Variants in WDTC1 observed in about 807,000 individuals in gnomAD.
The protein encoded by WDTC1 is WD and tetratricopeptide repeats protein 1.
WDTC1 carries 12 observed loss-of-function variants against 76.0 expected under a neutral mutation model. The observed-to-expected ratio is 0.16, with a 90% confidence interval of 0.10 to 0.26. The LOEUF (loss-of-function observed/expected upper bound fraction) is 0.26. Ranked by LOEUF, WDTC1 falls within the 10% of genes least tolerant of loss-of-function variation. The pLI is 1.00. For missense variants in WDTC1, 511 were observed against 908.8 expected, an observed-to-expected ratio of 0.56 and a Z score of 5.63; for synonymous variants, 326 against 350.8, an observed-to-expected ratio of 0.93 and a Z score of 0.79.
At chr1:27,282,327 A>C (rs2013211729) in intron 4 of WDTC1, 42 bp downstream of exon 4, 2 of 1,604,456 alleles carry the variant, frequency 1.2e-6, no homozygotes, top group African/African-American at 2.7e-5. Context: ...TGGGGAAGGA[A>C]GTAAGGAGGG....
At chr1:27,248,116 A>AGT (rs2011913121) in intron 1 of WDTC1, among the ~76,000 whole-genome samples, 1 of 152,208 alleles carries the variant, frequency 6.6e-6, no homozygotes, top group Non-Finnish European at 1.5e-5. Context: ...CATACTGCAC[A>AGT]GTGTGTGTGT....
intron 3 of WDTC1, among the ~76,000 whole-genome samples, chr1:27,266,073 G>A (rs2147938573): frequency 6.6e-6 from 1 of 152,260 alleles, no homozygotes; most frequent in East Asian, 1.9e-4. Context: ...AACTGGAAAT[G>A]TTAAGAACCA....
chr1:27,257,471 C>T (rs558422771), intron 1 of WDTC1, among the ~76,000 whole-genome samples: 4 of 152,228 alleles, frequency 2.6e-5, no homozygotes, highest in African/African-American at 9.6e-5. Context: ...ATCATCCTCA[C>T]CTCATATTCT....
Position 27,294,087 on chromosome 1 carries a change from C to G in WDTC1, c.728C>G (p.Pro243Arg). 1 of 1,614,122 alleles carries G rather than the reference C, an allele frequency of 6.2e-7. No homozygotes were observed. Among genetic ancestry groups the G allele is most frequent in the Non-Finnish European group, 8.5e-7 (1 of 1,180,010 alleles). The change falls in exon 8 of 16, where the codon CCG becomes CGG. Residue 243 changes from proline (P) to arginine (R), a missense_variant. Pro to Arg is a moderately radical substitution (Grantham distance 103, BLOSUM62 -2). Transcript: ENST00000319394. ...TTCTGTGACCGGCAGAAACCCCTTC[C>G]GGACGGTGCAGCCCAGTATTACGTA... ...HTFCDRQKPL[P>R]DGAAQYYVAG...
chr1:27,295,479 G>A (rs1348812202), intron 9 of WDTC1, among the ~76,000 whole-genome samples: 3 of 151,182 alleles, frequency 2.0e-5, no homozygotes, highest in African/African-American at 7.3e-5. Context: ...TTGAGTTGGA[G>A]TTTCGCTCTT....
At chr1:27,295,144 A>T (rs1289348996) in intron 9 of WDTC1, among the ~76,000 whole-genome samples, 1 of 152,198 alleles carries the variant, frequency 6.6e-6, no homozygotes, top group Non-Finnish European at 1.5e-5. Context: ...AGCCTTGCAT[A>T]CATTTATTTA....
In WDTC1 at chr1:27,301,175, C is replaced by A. The variant is rs764463613; in HGVS notation, c.1233-51C>A. 35 of 1,574,048 alleles carry A rather than the reference C, an allele frequency of 2.2e-5. No individual in the cohort carries two copies. The highest frequency in any genetic ancestry group is 2.9e-5 in the Non-Finnish European group (33 of 1,150,790). On this transcript the variant is annotated intron_variant, in intron 12 of 15. Coordinates refer to ENST00000319394, the MANE Select transcript of WDTC1 (RefSeq NM_001276252.2). This position sits in a 1 kb window ranked among gnomAD's most constrained non-coding sequence, Gnocchi z 5.8. ...AGCAGAGGAGACTGAATGGGGACCC[C>A]TTGCTTGCCACGTGGCTCCACCTCC...
intron 8 of WDTC1, 48 bp downstream of exon 8, chr1:27,294,164 C>T (rs1553132597): frequency 6.3e-7 from 1 of 1,587,722 alleles, no homozygotes; most frequent in Non-Finnish European, 8.6e-7. Context: ...TAGATGCTGA[C>T]TCTTTTGGGG....
At chr1:27,282,345 G>A in intron 4 of WDTC1, 60 bp downstream of exon 4, 2 of 1,537,228 alleles carry the variant, frequency 1.3e-6, no homozygotes, top group Non-Finnish European at 1.8e-6. Context: ...GGGTGGAACA[G>A]CAAGGCTCCT....
Position 27,260,144 on chromosome 1 carries a change from G to A in WDTC1, c.-99-812G>A, listed in dbSNP as rs193272549. On this transcript the variant is annotated intron_variant, in intron 1 of 15. Transcript: ENST00000319394. ...TTTCGAGATGGAGTCTCGCTCTGTC[G>A]CCCAGGCTGGAGTGCAGTGGCGCAA... Among the ~76,000 whole-genome samples the A allele has an allele frequency of 2.1e-3, 324 of 151,856 alleles. 2 individuals are homozygous for A. The highest frequency in any genetic ancestry group is 7.4e-3 in the African/African-American group (305 of 41,370).
rs771318468 is a variant in WDTC1 at position 27,301,395 on chromosome 1, C to T, written c.1402C>T (p.His468Tyr). The stretch of plus-strand genomic sequence containing the variant: ...CAAAGGGAAATTTCCGGAGCAGGCC[C>T]ACAGCAGCGCTTGTGATGCATTGGG... The part of the protein sequence containing the change: ...DFKGKFPEQA[H>Y]SSACDALGRD... Residue 468 changes from histidine (H) to tyrosine (Y), a missense_variant, in exon 13 of 16, where the codon CAC (histidine) becomes TAC (tyrosine). His to Tyr is a moderately conservative substitution (Grantham distance 83). Coordinates refer to ENST00000319394, the MANE Select transcript of WDTC1 (RefSeq NM_001276252.2). The surrounding 1 kb of genome is among the most constrained non-coding windows in gnomAD (Gnocchi z 5.8). 1.9e-6 allele frequency: 3 copies of T among 1,614,128 alleles called. No homozygotes were observed. Among genetic ancestry groups the T allele is most frequent in the Non-Finnish European group, 2.5e-6 (3 of 1,180,020 alleles).
chr1:27,291,806 C>T (rs549213680), intron 6 of WDTC1, among the ~76,000 whole-genome samples: 138 of 152,300 alleles, frequency 9.1e-4, no homozygotes, highest in African/African-American at 3.2e-3. Flanking sequence ...CACTTACTAG[C>T]AGTGTCATCT....
At chr1:27,284,849 C>T (rs995256068) in intron 5 of WDTC1, among the ~76,000 whole-genome samples, 4 of 151,744 alleles carry the variant, frequency 2.6e-5, no homozygotes, top group South Asian at 2.1e-4. Flanking sequence ...TTAACTCATG[C>T]GCTCCCCCTG....
Position 27,306,305 on chromosome 1 carries a change from G to A in WDTC1, c.1956G>A (p.Thr652=), listed in dbSNP as rs200400132. ...VMLLNMGYRI[T]GLSSGGAGAS... ...TGCTCAACATGGGCTACCGGATCAC[G>A]GGCCTGAGCAGTGGGGGTGCCGGGG... is the stretch of plus-strand genomic sequence containing the variant. The change falls in exon 16 of 16, where the codon ACG becomes ACA. Residue 652 remains threonine (T), a synonymous_variant. Transcript: ENST00000319394. The surrounding 1 kb of genome is among the most constrained non-coding windows in gnomAD (Gnocchi z 5.0). 9.3e-6 allele frequency: 15 copies of A among 1,614,034 alleles called. No homozygotes were observed. Among genetic ancestry groups the A allele is most frequent in the East Asian group, 2.2e-5 (1 of 44,874 alleles).
rs373415300 is a variant in WDTC1, at chr1:27,287,665, C to T, written c.292-9C>T. The T allele has an allele frequency of 1.2e-6, 2 of 1,611,970 alleles. No individual in the cohort carries two copies. Among genetic ancestry groups the T allele is most frequent in the Non-Finnish European group, 1.7e-6 (2 of 1,179,156 alleles). ...ACCACCCACCCCTTCCTCCATTTCT[C>T]CTATATAGTTCCTGCCTCACGCTGG... On this transcript the variant is annotated splice_polypyrimidine_tract_variant and intron_variant, in intron 5 of 15. Transcript: ENST00000319394.
At chr1:27,236,545 T>C (rs1045545556) in intron 1 of WDTC1, among the ~76,000 whole-genome samples, 12 of 152,178 alleles carry the variant, frequency 7.9e-5, no homozygotes, top group Admixed American at 7.9e-4. Context: ...TCATTGAGGG[T>C]CACGAGGGAA....
rs1215054521 is a variant in WDTC1, at chr1:27,301,405, C to G, written c.1412C>G (p.Ala471Gly). The G allele has an allele frequency of 6.2e-7, 1 of 1,614,052 alleles. No homozygotes were observed. Residue 471 changes from alanine (A) to glycine (G), a missense_variant, in exon 13 of 16, where the codon GCT (alanine) becomes GGT (glycine). Transcript: ENST00000319394. This position sits in a 1 kb window ranked among gnomAD's most constrained non-coding sequence, Gnocchi z 5.8. ...GKFPEQAHSS[A>G]CDALGRDITA... ...TTTCCGGAGCAGGCCCACAGCAGCGCTTGTGATGCATTGGGCCGCGACATC... is the reference window on the plus strand; with the variant it reads ...TTTCCGGAGCAGGCCCACAGCAGCGGTTGTGATGCATTGGGCCGCGACATC...
intron 11 of WDTC1, 142 bp downstream of exon 11, chr1:27,297,298 C>T: frequency 1.4e-6 from 1 of 733,754 alleles, no homozygotes; most frequent in East Asian, 2.9e-5. Flanking sequence ...AAAGAGCCTT[C>T]TTGGAGGGTG....
chr1:27,255,077 C>G (rs2012231401), intron 1 of WDTC1, among the ~76,000 whole-genome samples: 1 of 152,010 alleles, frequency 6.6e-6, no homozygotes, highest in Non-Finnish European at 1.5e-5. Flanking sequence ...AGCCACGCAC[C>G]AGTCTTAGCT....
Sources: allele counts gnomAD v4.1 joint callset (sites outside exome capture counted in the v4.1 genomes callset), GRCh38; gene constraint gnomAD v4.1.1; non-coding constraint Gnocchi (gnomAD v3.1); transcripts MANE v1.5; gene names NCBI Gene and HGNC (gene_info 2026-07-23, HGNC 2026-07-21).